Variants in SAMD13 observed in about 807,000 individuals in gnomAD.
The protein encoded by SAMD13 is sterile alpha motif domain-containing protein 13.
Under a neutral mutation model 12.4 loss-of-function variants are expected in SAMD13, and 9 were observed. The ratio of observed to expected loss-of-function variants is 0.72; its 90% confidence interval spans 0.44 to 1.26. The LOEUF (loss-of-function observed/expected upper bound fraction) is 1.26. SAMD13 is among the 50% of genes most tolerant of loss of function. The pLI is 0.00. For missense variants in SAMD13, 84 were observed against 119.6 expected, an observed-to-expected ratio of 0.70 and a Z score of 1.39; for synonymous variants, 46 against 45.4, an observed-to-expected ratio of 1.01 and a Z score of -0.05.
intron 3 of SAMD13, among the ~76,000 whole-genome samples, chr1:84,334,319 G>A (rs1025545387): frequency 6.6e-6 from 1 of 151,916 alleles, no homozygotes. Context: ...TTTCAACTAG[G>A]TTTTCTAGTT....
At chr1:84,326,598 C>A (rs1334573150) in intron 3 of SAMD13, among the ~76,000 whole-genome samples, 7 of 152,130 alleles carry the variant, frequency 4.6e-5, no homozygotes, top group African/African-American at 1.7e-4. Context: ...TGGTTCACAC[C>A]AGGCCAGTTC....
intron 1 of SAMD13, chr1:84,302,028 TG>T (rs1678462262): frequency 6.6e-6 from 1 of 152,236 alleles, no homozygotes; most frequent in Non-Finnish European, 1.5e-5. Context: ...TGTGAATGTA[TG>T]CTAATATCTA....
intron 3 of SAMD13, among the ~76,000 whole-genome samples, chr1:84,331,330 A>T (rs1456973282): frequency 6.6e-5 from 1 of 15,058 alleles, no homozygotes; most frequent in African/African-American, 9.7e-5. Flanking sequence ...CTCCTTGGTA[A>T]AAAAAAAAAA....
chr1:84,323,392 C>T (rs1678988223), intron 2 of SAMD13, among the ~76,000 whole-genome samples: 2 of 151,962 alleles, frequency 1.3e-5, no homozygotes, highest in Admixed American at 6.6e-5. Context: ...TGTATATTGC[C>T]TGTTAAATGG....
chr1:84,329,642 G>T (rs1679132449), intron 3 of SAMD13, among the ~76,000 whole-genome samples: 1 of 152,172 alleles, frequency 6.6e-6, no homozygotes, highest in South Asian at 2.1e-4. Flanking sequence ...GCACCCCACT[G>T]CCACAGAACA....
At chr1:84,311,935 G>A (rs943735120) in intron 2 of SAMD13, among the ~76,000 whole-genome samples, 1 of 152,140 alleles carries the variant, frequency 6.6e-6, no homozygotes, top group African/African-American at 2.4e-5. Context: ...TCTTTATGTT[G>A]TACTTTCATC....
chr1:84,345,979 C>G (rs57971598), intron 3 of SAMD13, among the ~76,000 whole-genome samples: 4,147 of 152,242 alleles, frequency 0.027, 202 homozygotes, highest in African/African-American at 0.094. Flanking sequence ...GCTGGGACTA[C>G]AGGCATGTAC....
chr1:84,301,822 T>A, intron 1 of SAMD13, 21 bp downstream of exon 1: 1 of 930,560 alleles, frequency 1.1e-6, no homozygotes, highest in Non-Finnish European at 1.3e-6. Flanking sequence ...TTTTTACTCT[T>A]CCACAGAAAA....
chr1:84,317,120 T>C (rs542486834), intron 2 of SAMD13, among the ~76,000 whole-genome samples: 5 of 152,218 alleles, frequency 3.3e-5, no homozygotes, highest in African/African-American at 1.2e-4. Flanking sequence ...TTTAGGGTTT[T>C]CTCTATATAA....
upstream of SAMD13, chr1:84,298,663 G>T (rs939937042): frequency 4.4e-6 from 5 of 1,140,934 alleles, no homozygotes; most frequent in Admixed American, 1.7e-4. Flanking sequence ...AATGAAAACC[G>T]CTCTGCCCTC....
At position 84,331,354 on chromosome 1, in the gene SAMD13, A is replaced by AAAAAAC. The variant is rs553761794; in HGVS notation, c.165+5610_165+5611insACAAAA. ...AAAAAAAAAAAAAAAAAAAAAAAAA[A>AAAAAAC]AAAATTATGGATACAAACTTGTTAA... On this transcript the variant is annotated intron_variant, in intron 3 of 3. Coordinates refer to ENST00000394834, the MANE Select transcript of SAMD13 (RefSeq NM_001134663.2). Among the ~76,000 whole-genome samples, 8 of 82,424 alleles carry AAAAAAC rather than the reference A, an allele frequency of 9.7e-5. 1 individual carries two copies. Among genetic ancestry groups the AAAAAAC allele is most frequent in the Admixed American group, 1.6e-4 (1 of 6,142 alleles). 54.1% of individuals were successfully genotyped at this position (82,424 alleles called of 152,430 possible).
chr1:84,311,269 G>C (rs905259050), intron 2 of SAMD13, among the ~76,000 whole-genome samples: 1 of 149,406 alleles, frequency 6.7e-6, no homozygotes, highest in Non-Finnish European at 1.5e-5. Flanking sequence ...CCAGGAGGCA[G>C]AGGTTACATT....
chr1:84,326,436 C>CCAG (rs1328452750), intron 3 of SAMD13, among the ~76,000 whole-genome samples: 1 of 152,092 alleles, frequency 6.6e-6, no homozygotes, highest in Non-Finnish European at 1.5e-5. Context: ...TTCCTCAGGT[C>CCAG]CAGGGATGGT....
rs1446206418 is a variant in SAMD13 at position 84,349,990 on chromosome 1, C to A, written c.*216C>A. 2 of 1,020,778 alleles carry A rather than the reference C, an allele frequency of 2.0e-6. No homozygotes were observed. Among genetic ancestry groups the A allele is most frequent in the Non-Finnish European group, 1.3e-6 (1 of 791,636 alleles). 63.2% of individuals were successfully genotyped at this position (1,020,778 alleles called of 1,614,324 possible). A position where few individuals can be genotyped will look rare whatever the true frequency, so the allele number is the denominator to read the frequency against. On this transcript the variant is annotated 3_prime_UTR_variant, in exon 4 of 4. Transcript: ENST00000394834. The stretch of plus-strand genomic sequence containing the variant: ...AAGATGCGCACAGGGTGGTTTTCCT[C>A]ATGGATTTTGTCAAATAGATGATCT...
intron 3 of SAMD13, among the ~76,000 whole-genome samples, chr1:84,329,025 T>C (rs1679120443): frequency 6.6e-6 from 1 of 152,070 alleles, no homozygotes; most frequent in South Asian, 2.1e-4. Flanking sequence ...CCCCCAAAAC[T>C]CTTATGTTGA....
At chr1:84,330,669 T>C (rs151253687) in intron 3 of SAMD13, among the ~76,000 whole-genome samples, 101 of 152,282 alleles carry the variant, frequency 6.6e-4, no homozygotes, top group African/African-American at 2.3e-3. Context: ...TGGACCCTAA[T>C]TGCAAGTCAC....
intron 3 of SAMD13, among the ~76,000 whole-genome samples, chr1:84,346,614 G>T (rs1679541238): frequency 6.6e-6 from 1 of 152,208 alleles, no homozygotes; most frequent in Admixed American, 6.5e-5. Flanking sequence ...CAGAGGAGTT[G>T]TTCCTTACGG....
intron 2 of SAMD13, among the ~76,000 whole-genome samples, chr1:84,322,783 T>C (rs1678974731): frequency 6.6e-6 from 1 of 152,174 alleles, no homozygotes; most frequent in Non-Finnish European, 1.5e-5. Flanking sequence ...GTTGCTGCTA[T>C]TCATGGTACA....
chr1:84,326,118 A>T (rs578007645), intron 3 of SAMD13, among the ~76,000 whole-genome samples: 1 of 152,314 alleles, frequency 6.6e-6, no homozygotes, highest in South Asian at 2.1e-4. Context: ...TGACTGAGAG[A>T]CATACACCAC....
Sources: allele counts gnomAD v4.1 joint callset (sites outside exome capture counted in the v4.1 genomes callset), GRCh38; gene constraint gnomAD v4.1.1; transcripts MANE v1.5; gene names NCBI Gene and HGNC (gene_info 2026-07-23, HGNC 2026-07-21).